PEX26: variants seen among roughly 807,000 people sequenced by gnomAD.
The protein encoded by PEX26 is peroxisomal biogenesis factor 26, also known as peroxisome assembly protein 26.
Under a neutral mutation model 31.4 loss-of-function variants are expected in PEX26, and 18 were observed. That is an observed-to-expected ratio of 0.57 (90% CI 0.40 to 0.85). The LOEUF is 0.85. PEX26 is among the 40% of genes least tolerant of loss of function. PEX26 has a pLI of 0.00. For missense variants in PEX26, 377 were observed against 383.9 expected, an observed-to-expected ratio of 0.98 and a Z score of 0.15; for synonymous variants, 176 against 166.9, an observed-to-expected ratio of 1.05 and a Z score of -0.42.
chr22:18,084,334 TC>T (rs1204775230), intron 3 of PEX26, among the ~76,000 whole-genome samples: 2 of 148,868 alleles, frequency 1.3e-5, no homozygotes, highest in African/African-American at 5.0e-5. Context: ...AAGCTGCACC[TC>T]TCAGGTTCAC....
Position 18,078,496 on chromosome 22 carries a change from G to C in PEX26, c.120G>C (p.Glu40Asp), listed in dbSNP as rs1010208134. The change falls in exon 1 of 5, where the codon GAG (glutamate) becomes GAC (aspartate). Residue 40 changes from glutamate (E) to aspartate (D), a missense_variant. Coordinates refer to ENST00000399744, the MANE Select transcript of PEX26 (RefSeq NM_001127649.3). ...CGCCGGCCGTGGACCTTCTGGAGGA[G>C]GCGGCCGACCTCCTGGTGGTGCACC... ...ARAPAVDLLE[E>D]AADLLVVHLD... 5 of 1,571,032 alleles carry C rather than the reference G, an allele frequency of 3.2e-6. No individual in the cohort carries two copies. In the African/African-American group the frequency reaches 6.7e-5, roughly 21 times the overall value.
chr22:18,081,181 G>A (rs1366286671), intron 2 of PEX26, among the ~76,000 whole-genome samples: 1 of 147,632 alleles, frequency 6.8e-6, no homozygotes, highest in Non-Finnish European at 1.5e-5. Flanking sequence ...ATATATGCGT[G>A]TGTGTATATA....
At position 18,097,887 on chromosome 22, in the gene PEX26, A is replaced by G. The variant is rs763813659; in HGVS notation, c.*9812A>G. ...AGTGGCATGATTTTGATGACAATAA[A>G]GGACAATATGTAATTAATGGTAATT... On this transcript the variant is annotated 3_prime_UTR_variant, in exon 5 of 5. Coordinates refer to ENST00000399744, the MANE Select transcript of PEX26 (RefSeq NM_001127649.3). 8 of 152,240 alleles carry G rather than the reference A, an allele frequency of 5.3e-5. No individual in the cohort carries two copies. The highest frequency in any genetic ancestry group is 1.2e-4 in the Non-Finnish European group (8 of 68,048). The allele number at this position is 152,240 out of a possible 1,614,324, so 9.4% of individuals were successfully genotyped here. A position where few individuals can be genotyped will look rare whatever the true frequency, so the allele number is the denominator to read the frequency against.
In PEX26 at chr22:18,078,604, C is replaced by A; in HGVS notation, c.228C>A (p.Gly76=). The change falls in exon 1 of 5, where the codon GGC becomes GGA. Residue 76 remains glycine, a splice_region_variant and synonymous_variant. Coordinates refer to ENST00000399744, the MANE Select transcript of PEX26 (RefSeq NM_001127649.3). ...ACGCCGTGGCAGAGGAACCCGCGGG[C>A]ACGTACGTGCTGGGCTCGGAAATGA... is the stretch of plus-strand genomic sequence containing the variant. ...ANHAVAEEPA[G]TSLEVKCSLC... 6.3e-7 allele frequency: 1 copy of A among 1,598,600 alleles called. No homozygotes were observed. Among genetic ancestry groups the A allele is most frequent in the Admixed American group, 1.7e-5 (1 of 58,750 alleles).
chr22:18,098,070 G>T lies in PEX26; in HGVS notation c.*9995G>T, dbSNP rs960686778. On this transcript the variant is annotated 3_prime_UTR_variant, in exon 5 of 5. Transcript: ENST00000399744. ...TTCAAAAAATCTAAAAATTAGCTGG[G>T]TGTGGTGGCGTGCACCTGTAATCTC... is the stretch of plus-strand genomic sequence containing the variant. 1.3e-5 allele frequency: 2 copies of T among 152,094 alleles called. No individual in the cohort carries two copies. Among genetic ancestry groups the T allele is most frequent in the Non-Finnish European group, 2.9e-5 (2 of 68,030 alleles). The allele number at this position is 152,094 out of a possible 1,614,324, so 9.4% of individuals were successfully genotyped here.
At position 18,102,805 on chromosome 22, in the gene PEX26, G is replaced by A. The variant is rs1927490788; in HGVS notation, c.*14730G>A. The stretch of plus-strand genomic sequence containing the variant: ...TACATTTATTAAAAATAGGCATGTA[G>A]CCGGGCGCAGTGGCTCACACCTGTA... On this transcript the variant is annotated 3_prime_UTR_variant, in exon 5 of 5. Coordinates refer to ENST00000399744, the MANE Select transcript of PEX26 (RefSeq NM_001127649.3). 1 of 152,126 alleles carries A rather than the reference G, an allele frequency of 6.6e-6. No individual in the cohort carries two copies. The highest frequency in any genetic ancestry group is 2.4e-5 in the African/African-American group (1 of 41,414). 9.4% of individuals were successfully genotyped at this position (152,126 alleles called of 1,614,324 possible). A position where few individuals can be genotyped will look rare whatever the true frequency, so the allele number is the denominator to read the frequency against.
At position 18,102,123 on chromosome 22, in the gene PEX26, T is replaced by C. The variant is rs775332101; in HGVS notation, c.*14048T>C. The C allele has an allele frequency of 6.6e-6, 1 of 152,260 alleles. No homozygotes were observed. The highest frequency in any genetic ancestry group is 1.5e-5 in the Non-Finnish European group (1 of 68,088). The allele number at this position is 152,260 out of a possible 1,614,324, so 9.4% of individuals were successfully genotyped here. A position where few individuals can be genotyped will look rare whatever the true frequency, so the allele number is the denominator to read the frequency against. On this transcript the variant is annotated 3_prime_UTR_variant, in exon 5 of 5. Coordinates refer to ENST00000399744, the MANE Select transcript of PEX26 (RefSeq NM_001127649.3). Reference sequence around the variant, plus strand: ...AAGCTGCTGGGACAAAGAGGACTCATGATAGTGGGTTATTCCACACTGTTG... The same window carrying C: ...AAGCTGCTGGGACAAAGAGGACTCACGATAGTGGGTTATTCCACACTGTTG...
At chr22:18,083,868 G>A (rs1926725225) in intron 3 of PEX26, 136 bp downstream of exon 3, 2 of 824,724 alleles carry the variant, frequency 2.4e-6, no homozygotes, top group East Asian at 2.7e-5. Flanking sequence ...AGAATAGGAG[G>A]CCTGTTGATT....
chr22:18,083,581 C>G lies in PEX26; in HGVS notation c.516C>G (p.Gly172=). ...TGCAGCGGGTGCTGCTGCCTCTGGG[C>G]TGCTTATCGGAGGCTGAGGAGCTAG... ...FHVQRVLLPL[G]CLSEAEELVV... is the part of the protein sequence containing the mutation. The change falls in exon 3 of 5, where the codon GGC becomes GGG. Residue 172 remains glycine (G), a synonymous_variant. Transcript: ENST00000399744. The G allele has an allele frequency of 6.2e-7, 1 of 1,614,082 alleles. No individual in the cohort carries two copies.
At chr22:18,087,851 TA>T (rs1303095691) in intron 4 of PEX26, 120 bp from the exon 5 acceptor site, 7 of 776,802 alleles carry the variant, frequency 9.0e-6, no homozygotes, top group Non-Finnish European at 1.6e-5. Context: ...ACCCTGTCTC[TA>T]AAAAAAACAA....
intron 4 of PEX26, among the ~76,000 whole-genome samples, chr22:18,086,926 T>C (rs1319729344): frequency 6.6e-6 from 1 of 152,000 alleles, no homozygotes; most frequent in Non-Finnish European, 1.5e-5. Flanking sequence ...ATTTATTTAG[T>C]TTTTGATACT....
Position 18,096,641 on chromosome 22 carries a change from A to G in PEX26, c.*8566A>G, listed in dbSNP as rs1927304378. 1 of 151,988 alleles carries G rather than the reference A, an allele frequency of 6.6e-6. No individual in the cohort carries two copies. The highest frequency in any genetic ancestry group is 1.5e-5 in the Non-Finnish European group (1 of 68,010). 9.4% of individuals were successfully genotyped at this position (151,988 alleles called of 1,614,324 possible). A position where few individuals can be genotyped will look rare whatever the true frequency, so the allele number is the denominator to read the frequency against. On this transcript the variant is annotated 3_prime_UTR_variant, in exon 5 of 5. Coordinates refer to ENST00000399744, the MANE Select transcript of PEX26 (RefSeq NM_001127649.3). Reference sequence around the variant, plus strand: ...CACCGTGTTAGCCAGGATGGTCTCGATCTCCTGACCTTGTGATCTGCCCAC... The same window carrying G: ...CACCGTGTTAGCCAGGATGGTCTCGGTCTCCTGACCTTGTGATCTGCCCAC...
chr22:18,078,333 T>A lies in PEX26; in HGVS notation c.-44T>A. On this transcript the variant is annotated 5_prime_UTR_variant, in exon 1 of 5. Transcript: ENST00000399744. The stretch of plus-strand genomic sequence containing the variant: ...TATCCCGGAGCCTCTGGGGAGGCGG[T>A]CACTCCGACGTCTGAGGACCTGGGC... The A allele has an allele frequency of 7.1e-7, 1 of 1,415,714 alleles. No individual in the cohort carries two copies. Among genetic ancestry groups the A allele is most frequent in the Non-Finnish European group, 9.9e-7 (1 of 1,015,080 alleles). The allele number at this position is 1,415,714 out of a possible 1,614,324, so 87.7% of individuals were successfully genotyped here. A position where few individuals can be genotyped will look rare whatever the true frequency, so the allele number is the denominator to read the frequency against.
In PEX26 at chr22:18,102,882, G is replaced by A. The variant is rs1326962326; in HGVS notation, c.*14807G>A. ...GGGCGAATCACGAGGTCAGGAGTTC[G>A]AGACCAGCCTGGCCAACACGGTGAA... On this transcript the variant is annotated 3_prime_UTR_variant, in exon 5 of 5. Transcript: ENST00000399744. 1 of 151,972 alleles carries A rather than the reference G, an allele frequency of 6.6e-6. No homozygotes were observed. The allele number at this position is 151,972 out of a possible 1,614,324, so 9.4% of individuals were successfully genotyped here.
rs887193522 is a variant in PEX26, at chr22:18,095,356, A to C, written c.*7281A>C. On this transcript the variant is annotated 3_prime_UTR_variant, in exon 5 of 5. Transcript: ENST00000399744. ...GGTAGTTTCATTGGATGACTCACAC[A>C]GATAAGCCATGCTCTTGGTTACCAG... 6.6e-6 allele frequency: 1 copy of C among 152,200 alleles called. No homozygotes were observed. Among genetic ancestry groups the C allele is most frequent in the Non-Finnish European group, 1.5e-5 (1 of 68,042 alleles). 9.4% of individuals were successfully genotyped at this position (152,200 alleles called of 1,614,324 possible).
Position 18,090,836 on chromosome 22 carries a change from G to A in PEX26, c.*2761G>A, listed in dbSNP as rs923232624. The A allele has an allele frequency of 2.0e-5, 3 of 151,720 alleles. No homozygotes were observed. Among genetic ancestry groups the A allele is most frequent in the Non-Finnish European group, 2.9e-5 (2 of 67,994 alleles). The allele number at this position is 151,720 out of a possible 1,614,324, so 9.4% of individuals were successfully genotyped here. A position where few individuals can be genotyped will look rare whatever the true frequency, so the allele number is the denominator to read the frequency against. On this transcript the variant is annotated 3_prime_UTR_variant, in exon 5 of 5. Transcript: ENST00000399744. ...TATTGTTGGCCAGCCCTGGGTGGAG[G>A]TGGGTGCAAGCAGGACAGATAGTGC... is the stretch of plus-strand genomic sequence containing the variant.
chr22:18,081,187 A>G (rs1602459248), intron 2 of PEX26, among the ~76,000 whole-genome samples: 1 of 150,732 alleles, frequency 6.6e-6, no homozygotes, highest in Non-Finnish European at 1.5e-5. Flanking sequence ...GCGTGTGTGT[A>G]TATATATACA....
chr22:18,081,266 A>T, intron 2 of PEX26, among the ~76,000 whole-genome samples: 1 of 151,760 alleles, frequency 6.6e-6, no homozygotes, highest in Admixed American at 6.6e-5. Flanking sequence ...ACACACACAC[A>T]CACACACACA....
chr22:18,097,048 C>T lies in PEX26; in HGVS notation c.*8973C>T, dbSNP rs1231489147. The T allele has an allele frequency of 6.6e-6, 1 of 152,170 alleles. No homozygotes were observed. The highest frequency in any genetic ancestry group is 1.5e-5 in the Non-Finnish European group (1 of 68,056). The allele number at this position is 152,170 out of a possible 1,614,324, so 9.4% of individuals were successfully genotyped here. On this transcript the variant is annotated 3_prime_UTR_variant, in exon 5 of 5. Transcript: ENST00000399744. The stretch of plus-strand genomic sequence containing the variant: ...GAGGGGGGATGCCACACTTTAAAAC[C>T]ATCAGAACTCGTGAGAACTGACTCA...
Sources: gnomAD v4.1 joint callset for allele counts (sites outside exome capture counted in the v4.1 genomes callset) on GRCh38, gnomAD v4.1.1 for gene constraint, MANE v1.5 for transcripts, NCBI Gene and HGNC (gene_info 2026-07-23, HGNC 2026-07-21) for gene names.